MANEA: variants seen among roughly 807,000 people sequenced by gnomAD.
MANEA encodes the protein mannosidase endo-alpha.
Under a neutral mutation model 36.8 loss-of-function variants are expected in MANEA, and 25 were observed. The observed-to-expected ratio is 0.68, with a 90% CI of 0.50 to 0.95. The LOEUF is 0.95. MANEA is among the 40% of genes least tolerant of loss of function. The pLI is 0.00. For missense variants in MANEA, 565 were observed against 558.8 expected, an observed-to-expected ratio of 1.01 and a Z score of -0.11; for synonymous variants, 198 against 188.5, an observed-to-expected ratio of 1.05 and a Z score of -0.41.
intron 1 of MANEA, among the ~76,000 whole-genome samples, chr6:95,578,725 A>G (rs983367398): frequency 7.9e-5 from 12 of 152,216 alleles, no homozygotes; most frequent in African/African-American, 2.9e-4. Flanking sequence ...TGAATGTATG[A>G]TCATAAAATA....
chr6:95,600,222 T>C (rs553038643), intron 3 of MANEA, among the ~76,000 whole-genome samples: 1 of 152,202 alleles, frequency 6.6e-6, no homozygotes, highest in African/African-American at 2.4e-5. Flanking sequence ...AGGGATTTTA[T>C]ATCTAATGAT....
In MANEA at chr6:95,601,716, A is replaced by ATTTTTTTTTTTTTTTTTTT. The variant is rs67335804; in HGVS notation, c.655-3101_655-3083dup. Among the ~76,000 whole-genome samples the ATTTTTTTTTTTTTTTTTTT allele has an allele frequency of 7.7e-4, 50 of 64,990 alleles. 5 individuals carry two copies. The highest frequency in any genetic ancestry group is 9.5e-4 in the African/African-American group (15 of 15,770). 42.6% of individuals were successfully genotyped at this position (64,990 alleles called of 152,430 possible). On this transcript the variant is annotated intron_variant, in intron 3 of 4. Transcript: ENST00000358812. ...AAAAGAAAATTAGGCAGATTCAGTGATTTTTTTTTTTTTTTTTTTTTTTTT... is the reference window on the plus strand; with the variant it reads ...AAAAGAAAATTAGGCAGATTCAGTGATTTTTTTTTTTTTTTTTTTTTTTTTTTTTTTTTTTTTTTTTTTT...
intron 3 of MANEA, among the ~76,000 whole-genome samples, chr6:95,603,888 G>GTAAAAC (rs2127945541): frequency 6.6e-6 from 1 of 152,100 alleles, no homozygotes; most frequent in Admixed American, 6.6e-5. Context: ...GTTAGAAGTA[G>GTAAAAC]CATACAGAAT....
chr6:95,586,927 C>G lies in MANEA; in HGVS notation c.488C>G (p.Ser163Cys). The part of the protein sequence containing the change: ...SFYPELGSYS[S>C]RDPSVIETHM... ...TATCCTGAATTGGGAAGTTACAGTTCTCGGGATCCTTCTGTCATAGAAACT... is the reference window on the plus strand; with the variant it reads ...TATCCTGAATTGGGAAGTTACAGTTGTCGGGATCCTTCTGTCATAGAAACT... The change falls in exon 2 of 5, where the codon TCT becomes TGT. Residue 163 changes from serine to cysteine, a missense_variant. Ser to Cys is a moderately radical substitution (Grantham distance 112). Coordinates refer to ENST00000358812, the MANE Select transcript of MANEA (RefSeq NM_024641.4). 2 of 1,613,036 alleles carry G rather than the reference C, an allele frequency of 1.2e-6. No individual in the cohort carries two copies. The highest frequency in any genetic ancestry group is 1.7e-6 in the Non-Finnish European group (2 of 1,179,394).
At position 95,593,239 on chromosome 6, in the gene MANEA, T is replaced by C. The variant is rs115998637; in HGVS notation, c.545-3498T>C. ...ATCACTGGCGTGGTTCCCAGGCTAG[T>C]ATTTATTCAGTGCCACAGTCCAGAA... On this transcript the variant is annotated intron_variant, in intron 2 of 4. Transcript: ENST00000358812. Among the ~76,000 whole-genome samples the C allele has an allele frequency of 6.5e-3, 992 of 152,336 alleles. 12 individuals carry two copies. The highest frequency in any genetic ancestry group is 0.034 in the Middle Eastern group (10 of 294).
At chr6:95,601,318 T>C (rs183756953) in intron 3 of MANEA, among the ~76,000 whole-genome samples, 1 of 152,332 alleles carries the variant, frequency 6.6e-6, no homozygotes, top group East Asian at 1.9e-4. Context: ...TCCGTCATTG[T>C]TTAGCAAATA....
In MANEA at chr6:95,608,939, C is replaced by A. The variant is rs1304603653; in HGVS notation, c.*2534C>A. 1 of 151,798 alleles carries A rather than the reference C, an allele frequency of 6.6e-6. No individual in the cohort carries two copies. Among genetic ancestry groups the A allele is most frequent in the Non-Finnish European group, 1.5e-5 (1 of 67,750 alleles). The allele number at this position is 151,798 out of a possible 1,614,324, so 9.4% of individuals were successfully genotyped here. ...TCTTCAGAGTTTCAGTCGGCAATTT[C>A]TTGGCCATGGATGTAGAACCTACAG... is the stretch of plus-strand genomic sequence containing the variant. On this transcript the variant is annotated 3_prime_UTR_variant, in exon 5 of 5. Coordinates refer to ENST00000358812, the MANE Select transcript of MANEA (RefSeq NM_024641.4).
chr6:95,591,304 A>G (rs1769381868), intron 2 of MANEA, among the ~76,000 whole-genome samples: 1 of 151,910 alleles, frequency 6.6e-6, no homozygotes, highest in Admixed American at 6.6e-5. Context: ...TGTAGCCTTT[A>G]TTTTGAAAGA....
At position 95,605,899 on chromosome 6, in the gene MANEA, T is replaced by C; in HGVS notation, c.883T>C (p.Tyr295His). ...SGSRSIRNSPYDGLFIALLVE... is the reference protein window; with the variant it reads ...SGSRSIRNSPHDGLFIALLVE... ...GTCTCGGAGTATTCGCAATTCTCCT[T>C]ATGATGGACTGTTTATTGCCCTTCT... The change falls in exon 5 of 5, where the codon TAT becomes CAT. Residue 295 changes from tyrosine (Y) to histidine (H), a missense_variant. By Grantham distance (83) the Tyr-to-His change is moderately conservative. Transcript: ENST00000358812. The C allele has an allele frequency of 6.2e-7, 1 of 1,614,060 alleles. No individual in the cohort carries two copies. Among genetic ancestry groups the C allele is most frequent in the Non-Finnish European group, 8.5e-7 (1 of 1,179,990 alleles).
chr6:95,587,597 A>G (rs2127939764), intron 2 of MANEA, among the ~76,000 whole-genome samples: 1 of 152,220 alleles, frequency 6.6e-6, no homozygotes, highest in East Asian at 1.9e-4. Context: ...TAACTATATC[A>G]ATAGCTTAGT....
intron 2 of MANEA, among the ~76,000 whole-genome samples, chr6:95,595,584 A>G (rs979140332): frequency 6.6e-6 from 1 of 151,962 alleles, no homozygotes; most frequent in Non-Finnish European, 1.5e-5. Flanking sequence ...CTTACCTTCA[A>G]TTTCTTAATT....
chr6:95,587,928 C>T (rs1289400029), intron 2 of MANEA, among the ~76,000 whole-genome samples: 1 of 151,526 alleles, frequency 6.6e-6, no homozygotes, highest in Non-Finnish European at 1.5e-5. Flanking sequence ...ATATTTTCTT[C>T]TGGCTTATGT....
intron 1 of MANEA, among the ~76,000 whole-genome samples, chr6:95,578,946 T>C (rs1769127011): frequency 2.0e-5 from 3 of 152,198 alleles, no homozygotes; most frequent in Admixed American, 2.0e-4. Context: ...GAACTTGAGT[T>C]CTTGAGCCAG....
intron 1 of MANEA, among the ~76,000 whole-genome samples, chr6:95,578,010 G>A (rs1312204857): frequency 6.6e-6 from 1 of 152,212 alleles, no homozygotes; most frequent in African/African-American, 2.4e-5. Context: ...TCGGATGGAA[G>A]CCTTTTTCAG....
At position 95,608,534 on chromosome 6, in the gene MANEA, G is replaced by T. The variant is rs1050712674; in HGVS notation, c.*2129G>T. 2 of 151,804 alleles carry T rather than the reference G, an allele frequency of 1.3e-5. No individual in the cohort carries two copies. Among genetic ancestry groups the T allele is most frequent in the African/African-American group, 4.8e-5 (2 of 41,404 alleles). The allele number at this position is 151,804 out of a possible 1,614,324, so 9.4% of individuals were successfully genotyped here. On this transcript the variant is annotated 3_prime_UTR_variant, in exon 5 of 5. Coordinates refer to ENST00000358812, the MANE Select transcript of MANEA (RefSeq NM_024641.4). ...AACACATTACCCTAACCAGCCAGCAGTAACAGATTTCAGAGTAAGATAAAG... is the reference window on the plus strand; with the variant it reads ...AACACATTACCCTAACCAGCCAGCATTAACAGATTTCAGAGTAAGATAAAG...
At chr6:95,585,151 T>TAC (rs764180522) in intron 1 of MANEA, among the ~76,000 whole-genome samples, 205 of 130,528 alleles carry the variant, frequency 1.6e-3, no homozygotes, top group African/African-American at 5.3e-3. Flanking sequence ...TATATATATA[T>TAC]ACACACACAA....
chr6:95,602,250 TAAG>T lies in MANEA; in HGVS notation c.655-2570_655-2568del, dbSNP rs537149752. ...ATACAGTCCCAGATGCTGACAATAT[TAAG>T]AAGAAGGATGAAGTATTATCTCTTT... On this transcript the variant is annotated intron_variant, in intron 3 of 4. Coordinates refer to ENST00000358812, the MANE Select transcript of MANEA (RefSeq NM_024641.4). 1.4e-3 allele frequency among the ~76,000 whole-genome samples: 209 copies of T among 152,326 alleles called. 1 individual carries two copies. Among genetic ancestry groups the T allele is most frequent in the Non-Finnish European group, 2.3e-3 (156 of 68,024 alleles).
rs1486246274 is a variant in MANEA at position 95,609,126 on chromosome 6, G to C, written c.*2721G>C. The C allele has an allele frequency of 6.6e-6, 1 of 151,640 alleles. No homozygotes were observed. Among genetic ancestry groups the C allele is most frequent in the Admixed American group, 6.6e-5 (1 of 15,202 alleles). The allele number at this position is 151,640 out of a possible 1,614,324, so 9.4% of individuals were successfully genotyped here. On this transcript the variant is annotated 3_prime_UTR_variant, in exon 5 of 5. Coordinates refer to ENST00000358812, the MANE Select transcript of MANEA (RefSeq NM_024641.4). ...ATGATAACAAGTAAATAAGAGCAAA[G>C]AATGTATTTCTTAATTCAAAACTAT...
chr6:95,603,008 C>CA (rs1456268087), intron 3 of MANEA, among the ~76,000 whole-genome samples: 10 of 106,474 alleles, frequency 9.4e-5, no homozygotes, highest in Admixed American at 1.6e-4. Context: ...GCCTGGGCGA[C>CA]AGAGCGAGAC....
Sources: gnomAD v4.1 joint callset for allele counts (sites outside exome capture counted in the v4.1 genomes callset) on GRCh38, gnomAD v4.1.1 for gene constraint, MANE v1.5 for transcripts, NCBI Gene and HGNC (gene_info 2026-07-23, HGNC 2026-07-21) for gene names.